The following PLOD2 variants were observed in gnomAD, a reference collection of about 807,000 sequenced individuals.
The protein encoded by PLOD2 is procollagen-lysine,2-oxoglutarate 5-dioxygenase 2.
A neutral mutation model predicts 101.0 loss-of-function variants in PLOD2; 65 were observed. That is an observed-to-expected ratio of 0.64 (90% confidence interval 0.53 to 0.79). The LOEUF (loss-of-function observed/expected upper bound fraction) is 0.79. PLOD2 is among the 30% of genes least tolerant of loss of function. The pLI is 0.00. For synonymous variants in PLOD2, 314 were observed against 302.9 expected (o/e 1.04, Z -0.38); for missense variants, 909 against 914.6 (o/e 0.99, Z 0.08).
intron 11 of PLOD2, among the ~76,000 whole-genome samples, chr3:146,082,780 A>G (rs1214226779): frequency 6.6e-6 from 1 of 152,124 alleles, no homozygotes; most frequent in African/African-American, 2.4e-5. Context: ...CTATAATCCC[A>G]GCTAATCAAG....
chr3:146,137,842 G>C (rs531784680), intron 1 of PLOD2, among the ~76,000 whole-genome samples: 8 of 152,112 alleles, frequency 5.3e-5, no homozygotes, highest in African/African-American at 1.9e-4. Context: ...AAAAAAATTG[G>C]TATTTCTGAT....
chr3:146,095,745 G>A (rs1398710622), intron 7 of PLOD2, among the ~76,000 whole-genome samples: 4 of 152,068 alleles, frequency 2.6e-5, no homozygotes, highest in African/African-American at 9.7e-5. Flanking sequence ...CTACTATAAA[G>A]ACATATGCAC....
chr3:146,122,955 C>T, intron 2 of PLOD2, among the ~76,000 whole-genome samples: 1 of 152,136 alleles, frequency 6.6e-6, no homozygotes, highest in East Asian at 1.9e-4. Context: ...CACAGTGTCT[C>T]CTATCAGTGC....
intron 7 of PLOD2, among the ~76,000 whole-genome samples, chr3:146,099,824 CACATAGTA>C (rs1937323257): frequency 6.6e-6 from 1 of 151,262 alleles, no homozygotes; most frequent in Non-Finnish European, 1.5e-5. Context: ...TGACTACACA[CACATAGTA>C]AAGGGATTCA....
At chr3:146,124,463 T>C (rs2030423534) in intron 1 of PLOD2, among the ~76,000 whole-genome samples, 1 of 152,122 alleles carries the variant, frequency 6.6e-6, no homozygotes, top group African/African-American at 2.4e-5. Context: ...AGTATATTGA[T>C]GATTAAGAAA....
chr3:146,161,157 G>T lies in PLOD2; in HGVS notation c.-168C>A. Reference sequence around the variant, plus strand: ...GGAGCGGCGCGTAACGCAGCTGAGTGAGGTCGTCGGTGGAGGCACGGAGCA... The same window carrying T: ...GGAGCGGCGCGTAACGCAGCTGAGTTAGGTCGTCGGTGGAGGCACGGAGCA... On this transcript the variant is annotated 5_prime_UTR_variant, in exon 1 of 20. Transcript: ENST00000282903. 7.3e-6 allele frequency: 3 copies of T among 411,570 alleles called. No individual in the cohort carries two copies. The South Asian group carries it at 2.0e-4, about 27-fold the overall frequency. 25.5% of individuals were successfully genotyped at this position (411,570 alleles called of 1,614,324 possible).
Position 146,130,791 on chromosome 3 carries a change from G to A in PLOD2, c.110-6562C>T, listed in dbSNP as rs184279436. ...CTCCCCTGGTGACAACAGGTTAAGG[G>A]CTGAAGCAATCATTGAGTTTTATTA... is the stretch of plus-strand genomic sequence containing the variant. On this transcript the variant is annotated intron_variant, in intron 1 of 19. Coordinates refer to ENST00000282903, the MANE Select transcript of PLOD2 (RefSeq NM_182943.3). Among the ~76,000 whole-genome samples the A allele has an allele frequency of 5.9e-5, 9 of 152,274 alleles. No individual in the cohort carries two copies. The South Asian group carries it at 6.2e-4, about 11-fold the overall frequency.
chr3:146,080,816 C>G (rs1457367652), intron 12 of PLOD2, among the ~76,000 whole-genome samples: 2 of 152,154 alleles, frequency 1.3e-5, no homozygotes, highest in Admixed American at 1.3e-4. Flanking sequence ...CTTTTCTCCT[C>G]CACTGTGCAT....
At chr3:146,075,357 T>A (rs1284812847) in intron 15 of PLOD2, among the ~76,000 whole-genome samples, 1 of 151,116 alleles carries the variant, frequency 6.6e-6, no homozygotes, top group Non-Finnish European at 1.5e-5. Flanking sequence ...AAGGGGAAAA[T>A]CATTACAGCA....
At chr3:146,118,150 AC>A (rs1296620192) in intron 3 of PLOD2, among the ~76,000 whole-genome samples, 1 of 152,174 alleles carries the variant, frequency 6.6e-6, no homozygotes, top group African/African-American at 2.4e-5. Flanking sequence ...TTAAACCAAA[AC>A]ATACCCAGTA....
rs1936706940 is a variant in PLOD2 at position 146,085,080 on chromosome 3, T to C, written c.1232+89A>G. 9 of 672,620 alleles carry C rather than the reference T, an allele frequency of 1.3e-5. No individual in the cohort carries two copies. In the East Asian group the frequency reaches 2.2e-4, roughly 16 times the overall value. 41.7% of individuals were successfully genotyped at this position (672,620 alleles called of 1,614,324 possible). Reference sequence around the variant, plus strand: ...AGAACATAACTAAGTTCCCTCAATTTACTAAATACACAATTACTACAGTAT... The same window carrying C: ...AGAACATAACTAAGTTCCCTCAATTCACTAAATACACAATTACTACAGTAT... On this transcript the variant is annotated intron_variant, in intron 11 of 19. Coordinates refer to ENST00000282903, the MANE Select transcript of PLOD2 (RefSeq NM_182943.3).
At chr3:146,158,525 T>C (rs562724332) in intron 1 of PLOD2, among the ~76,000 whole-genome samples, 15 of 152,320 alleles carry the variant, frequency 9.8e-5, no homozygotes, top group African/African-American at 3.1e-4. Flanking sequence ...AAAATCACTA[T>C]AAATATTTGT....
chr3:146,105,824 A>C (rs1448895104), intron 5 of PLOD2, among the ~76,000 whole-genome samples: 1 of 152,210 alleles, frequency 6.6e-6, no homozygotes, highest in Admixed American at 6.5e-5. Context: ...GGATCAAAGA[A>C]GCTCAGAGAG....
rs1016576813 is a variant in PLOD2 at position 146,077,186 on chromosome 3, A to G, written c.1564-291T>C. On this transcript the variant is annotated intron_variant, in intron 14 of 19. Transcript: ENST00000282903. ...GATCCTAGATGTAGACATCGGGGAA[A>G]AAATTCCTGTTTGAAAGCAGAAATA... The G allele has an allele frequency of 2.5e-5, 26 of 1,037,914 alleles. No homozygotes were observed. In the African/African-American group the frequency reaches 4.3e-4, roughly 17 times the overall value. The allele number at this position is 1,037,914 out of a possible 1,614,324, so 64.3% of individuals were successfully genotyped here.
chr3:146,113,695 G>A (rs1011780878), intron 3 of PLOD2, among the ~76,000 whole-genome samples: 3 of 152,080 alleles, frequency 2.0e-5, no homozygotes, highest in South Asian at 2.1e-4. Flanking sequence ...GAGGATGTGC[G>A]TAGCCTTAGG....
chr3:146,115,655 C>T (rs1022567162), intron 3 of PLOD2, among the ~76,000 whole-genome samples: 1 of 152,140 alleles, frequency 6.6e-6, no homozygotes, highest in African/African-American at 2.4e-5. Flanking sequence ...CCATCTCTTC[C>T]TCACTCATAA....
intron 7 of PLOD2, among the ~76,000 whole-genome samples, chr3:146,092,638 A>G (rs1937013729): frequency 6.6e-6 from 1 of 152,036 alleles, no homozygotes; most frequent in Non-Finnish European, 1.5e-5. Flanking sequence ...GTTCTTAAAC[A>G]GCTATTGGTA....
chr3:146,134,494 T>A (rs1257850928), intron 1 of PLOD2, among the ~76,000 whole-genome samples: 1 of 152,192 alleles, frequency 6.6e-6, no homozygotes, highest in Non-Finnish European at 1.5e-5. Flanking sequence ...CACAAATGAA[T>A]GAGAAACCTT....
intron 14 of PLOD2, 177 bp from the exon 15 acceptor site, chr3:146,077,072 A>G (rs1936372620): frequency 1.6e-6 from 2 of 1,282,274 alleles, no homozygotes; most frequent in Non-Finnish European, 2.0e-6. Context: ...AATTTTGATT[A>G]TGAATTCAGA....
Sources: gnomAD v4.1 joint callset for allele counts (sites outside exome capture counted in the v4.1 genomes callset) on GRCh38, gnomAD v4.1.1 for gene constraint, MANE v1.5 for transcripts, NCBI Gene and HGNC (gene_info 2026-07-23, HGNC 2026-07-21) for gene names.